Variants in HS6ST3 observed in about 807,000 individuals in gnomAD.
HS6ST3 encodes the protein heparan-sulfate 6-O-sulfotransferase 3.
In HS6ST3, 12 loss-of-function variants were observed where a neutral mutation model predicts 36.7. The ratio of observed to expected loss-of-function variants is 0.33; its 90% confidence interval spans 0.21 to 0.53. The LOEUF (loss-of-function observed/expected upper bound fraction) is 0.53, where lower values mean the gene tolerates loss of function less well. Ranked by LOEUF, HS6ST3 falls within the 20% of genes least tolerant of loss-of-function variation. The pLI, the probability that HS6ST3 is intolerant of heterozygous loss-of-function variation, is 0.95. For synonymous variants in HS6ST3, 240 were observed against 257.5 expected (o/e 0.93, Z 0.65); for missense variants, 584 against 640.9 (o/e 0.91, Z 0.96).
intron 1 of HS6ST3, among the ~76,000 whole-genome samples, chr13:96,486,983 AC>A (rs1291176378): frequency 6.6e-6 from 1 of 152,140 alleles, no homozygotes; most frequent in African/African-American, 2.4e-5. Flanking sequence ...CTGACTGGGA[AC>A]TCGAAGAGAT....
At chr13:96,604,703 A>G (rs1032258499) in intron 1 of HS6ST3, among the ~76,000 whole-genome samples, 1 of 152,198 alleles carries the variant, frequency 6.6e-6, no homozygotes, top group African/African-American at 2.4e-5. Context: ...CAAGTTGAGC[A>G]TATTAATGTG....
At chr13:96,324,963 A>G (rs2055023208) in intron 1 of HS6ST3, among the ~76,000 whole-genome samples, 1 of 152,144 alleles carries the variant, frequency 6.6e-6, no homozygotes, top group African/African-American at 2.4e-5. Context: ...TAGTTTTGTT[A>G]TTGTATGTAG....
At chr13:96,102,436 C>T (rs976796587) in intron 1 of HS6ST3, among the ~76,000 whole-genome samples, 23 of 152,156 alleles carry the variant, frequency 1.5e-4, no homozygotes, top group Admixed American at 1.0e-3. Context: ...GAGCCAATAT[C>T]GGGCCACTGC....
In HS6ST3 at chr13:96,535,329, G is replaced by T. The variant is rs547176124; in HGVS notation, c.708-297161G>T. Among the ~76,000 whole-genome samples the T allele has an allele frequency of 7.9e-5, 12 of 152,114 alleles. No individual in the cohort carries two copies. The South Asian group carries it at 2.3e-3, about 29-fold the overall frequency. On this transcript the variant is annotated intron_variant, in intron 1 of 1. Coordinates refer to ENST00000376705, the MANE Select transcript of HS6ST3 (RefSeq NM_153456.4). The stretch of plus-strand genomic sequence containing the variant: ...CCCTGCACTTTGGGAAACCAAGGCG[G>T]GCGAATCATGAGGTCAGGAGATCGA...
chr13:96,286,551 C>G (rs891280357), intron 1 of HS6ST3, among the ~76,000 whole-genome samples: 3 of 152,142 alleles, frequency 2.0e-5, no homozygotes, highest in Non-Finnish European at 2.9e-5. Flanking sequence ...TGAAGACATA[C>G]AGATAACAAC....
At chr13:96,341,886 A>C (rs576386567) in intron 1 of HS6ST3, among the ~76,000 whole-genome samples, 2 of 152,296 alleles carry the variant, frequency 1.3e-5, no homozygotes, top group African/African-American at 2.4e-5. Context: ...TTTTCAAATA[A>C]ACTTTACTAT....
chr13:96,536,874 G>C (rs547810799), intron 1 of HS6ST3, among the ~76,000 whole-genome samples: 10 of 152,196 alleles, frequency 6.6e-5, no homozygotes, highest in African/African-American at 2.2e-4. Flanking sequence ...CACTTTTTTG[G>C]GGGGGATTGG....
intron 1 of HS6ST3, among the ~76,000 whole-genome samples, chr13:96,160,295 G>A (rs2054129737): frequency 6.6e-6 from 1 of 152,128 alleles, no homozygotes; most frequent in South Asian, 2.1e-4. Context: ...GTTTCCCTGG[G>A]CACCTAGAAA....
intron 1 of HS6ST3, among the ~76,000 whole-genome samples, chr13:96,819,663 C>T (rs1226267966): frequency 6.6e-6 from 1 of 152,114 alleles, no homozygotes; most frequent in Admixed American, 6.5e-5. Context: ...AGAACCAACA[C>T]GTGTATTTAA....
intron 1 of HS6ST3, among the ~76,000 whole-genome samples, chr13:96,646,296 TC>T (rs2139009693): frequency 1.3e-5 from 2 of 152,164 alleles, no homozygotes; most frequent in South Asian, 4.1e-4. Flanking sequence ...CTTACCCTTT[TC>T]ATACTTTGCT....
intron 1 of HS6ST3, among the ~76,000 whole-genome samples, chr13:96,313,823 C>A (rs1446449214): frequency 1.3e-5 from 2 of 152,156 alleles, no homozygotes; most frequent in African/African-American, 4.8e-5. Context: ...CTGACCCGCA[C>A]AGGTGTCTGT....
intron 1 of HS6ST3, among the ~76,000 whole-genome samples, chr13:96,738,302 C>T (rs1057194178): frequency 9.2e-5 from 14 of 152,144 alleles, no homozygotes; most frequent in Admixed American, 4.6e-4. Context: ...TCTCTTTCAC[C>T]TGCACCCACA....
At chr13:96,499,920 T>G (rs1177491556) in intron 1 of HS6ST3, among the ~76,000 whole-genome samples, 3 of 152,184 alleles carry the variant, frequency 2.0e-5, no homozygotes, top group Admixed American at 6.5e-5. Context: ...TTTTTGAAAT[T>G]ACAGCTTTAT....
Position 96,494,543 on chromosome 13 carries a change from TA to T in HS6ST3, c.708-337934del, listed in dbSNP as rs1299394882. 4.3e-3 allele frequency among the ~76,000 whole-genome samples: 583 copies of T among 136,692 alleles called. 5 individuals carry two copies. Among genetic ancestry groups the T allele is most frequent in the Admixed American group, 0.02 (271 of 13,704 alleles). 89.7% of individuals were successfully genotyped at this position (136,692 alleles called of 152,430 possible). A position where few individuals can be genotyped will look rare whatever the true frequency, so the allele number is the denominator to read the frequency against. On this transcript the variant is annotated intron_variant, in intron 1 of 1. Transcript: ENST00000376705. ...TGTACCCTAAAACTTAAAGTATAAT[TA>T]AAAAAAAAAAAAGAACCACGATGTA...
chr13:96,725,967 A>T (rs1283238367), intron 1 of HS6ST3, among the ~76,000 whole-genome samples: 1 of 151,988 alleles, frequency 6.6e-6, no homozygotes, highest in African/African-American at 2.4e-5. Context: ...CCTCCTGAGT[A>T]GCTGCGATTA....
intron 1 of HS6ST3, among the ~76,000 whole-genome samples, chr13:96,172,406 G>A (rs191985129): frequency 6.6e-6 from 1 of 152,292 alleles, no homozygotes; most frequent in East Asian, 1.9e-4. Flanking sequence ...AGCCCTGTGA[G>A]TTCACCATAG....
At chr13:96,407,871 G>T (rs771985645) in intron 1 of HS6ST3, among the ~76,000 whole-genome samples, 7 of 152,118 alleles carry the variant, frequency 4.6e-5, no homozygotes, top group Non-Finnish European at 8.8e-5. Context: ...AAATGTCAAG[G>T]CTCAGGATTC....
intron 1 of HS6ST3, among the ~76,000 whole-genome samples, chr13:96,493,205 G>T (rs560220912): frequency 3.3e-5 from 5 of 152,236 alleles, no homozygotes; most frequent in African/African-American, 1.2e-4. Flanking sequence ...CACAAAAAAA[G>T]ATCTGACTAT....
At chr13:96,611,638 A>G (rs950674777) in intron 1 of HS6ST3, among the ~76,000 whole-genome samples, 1 of 152,268 alleles carries the variant, frequency 6.6e-6, no homozygotes, top group Admixed American at 6.5e-5. Context: ...AGAAGTCCCC[A>G]TCAGAGATTT....
Sources: gnomAD v4.1 joint callset for allele counts (sites outside exome capture counted in the v4.1 genomes callset) on GRCh38, gnomAD v4.1.1 for gene constraint, MANE v1.5 for transcripts, NCBI Gene and HGNC (gene_info 2026-07-23, HGNC 2026-07-21) for gene names.